Variants in CEP85L observed in about 807,000 individuals in gnomAD.
The protein encoded by CEP85L is centrosomal protein of 85 kDa-like.
Under a neutral mutation model 100.3 loss-of-function variants are expected in CEP85L, and 60 were observed. The observed-to-expected ratio is 0.60, with a 90% confidence interval of 0.49 to 0.74. The LOEUF is 0.74. Ranked by LOEUF, CEP85L falls within the 30% of genes least tolerant of loss-of-function variation. CEP85L has a pLI of 0.00. For synonymous variants in CEP85L, 319 were observed against 322.7 expected (o/e 0.99, Z 0.12); for missense variants, 973 against 936.2 (o/e 1.04, Z -0.51).
intron 4 of CEP85L, 49 bp from the exon 5 acceptor site, chr6:118,511,464 G>C (rs768770158): frequency 9.8e-6 from 12 of 1,221,906 alleles, no homozygotes; most frequent in Non-Finnish European, 1.4e-5. Context: ...TTTTCTAATA[G>C]TTAGAAGAAC....
At chr6:118,535,684 C>A (rs949491792) in intron 3 of CEP85L, among the ~76,000 whole-genome samples, 2 of 152,244 alleles carry the variant, frequency 1.3e-5, no homozygotes, top group South Asian at 2.1e-4. Context: ...CACCCACTGG[C>A]GTGTAGTGCC....
At chr6:118,600,191 C>G (rs747982084) in intron 2 of CEP85L, among the ~76,000 whole-genome samples, 3 of 151,516 alleles carry the variant, frequency 2.0e-5, no homozygotes, top group African/African-American at 7.3e-5. Flanking sequence ...TTAAACCCTC[C>G]GTTCTTGACT....
intron 3 of CEP85L, among the ~76,000 whole-genome samples, chr6:118,541,537 G>A (rs577361890): frequency 6.6e-6 from 1 of 152,238 alleles, no homozygotes; most frequent in South Asian, 2.1e-4. Context: ...TGTATCTGCT[G>A]AAAAATCAAG....
chr6:118,666,504 T>C (rs1016682020), intron 1 of CEP85L, among the ~76,000 whole-genome samples: 2 of 152,164 alleles, frequency 1.3e-5, no homozygotes, highest in African/African-American at 4.8e-5. Context: ...GTTTACAACA[T>C]GTCTGGCTCT....
chr6:118,502,601 T>C, intron 5 of CEP85L: 1 of 481,180 alleles, frequency 2.1e-6, no homozygotes, highest in Non-Finnish European at 3.9e-6. Flanking sequence ...TTTTTGACTC[T>C]TGAAGAAGCT....
intron 1 of CEP85L, 119 bp downstream of exon 1, chr6:118,651,077 CG>C: frequency 7.4e-7 from 1 of 1,345,102 alleles, no homozygotes; most frequent in Non-Finnish European, 9.5e-7. Flanking sequence ...CACGCGGCGG[CG>C]TCGGGGAGGC....
rs897036781 is a variant in CEP85L at position 118,651,287 on chromosome 6, G to A, written c.-18C>T. The stretch of plus-strand genomic sequence containing the variant: ...CCCCACATCGCGGGCGAGAGGGCCG[G>A]GTGGGCCAGGGACGCCCGACTCCTC... On this transcript the variant is annotated 5_prime_UTR_variant, in exon 1 of 13. Transcript: ENST00000368491. The A allele has an allele frequency of 2.2e-5, 32 of 1,478,658 alleles. 1 individual carries two copies. The Middle Eastern group carries it at 7.6e-4, about 35-fold the overall frequency. 91.6% of individuals were successfully genotyped at this position (1,478,658 alleles called of 1,614,324 possible).
chr6:118,706,031 C>T (rs1777583563), intron 1 of CEP85L, among the ~76,000 whole-genome samples: 1 of 152,172 alleles, frequency 6.6e-6, no homozygotes, highest in Non-Finnish European at 1.5e-5. Flanking sequence ...TTGGGAGCTG[C>T]TTCTTAAGAA....
At chr6:118,514,217 T>C (rs918594752) in intron 4 of CEP85L, among the ~76,000 whole-genome samples, 3 of 151,980 alleles carry the variant, frequency 2.0e-5, no homozygotes, top group Admixed American at 2.0e-4. Context: ...AAAGATCAGA[T>C]GGGACAATAA....
chr6:118,637,446 C>T (rs1392631944), intron 1 of CEP85L, among the ~76,000 whole-genome samples: 1 of 151,800 alleles, frequency 6.6e-6, no homozygotes, highest in Non-Finnish European at 1.5e-5. Flanking sequence ...ACCTGTAATC[C>T]CAGCACTTTG....
intron 1 of CEP85L, among the ~76,000 whole-genome samples, chr6:118,647,669 G>A (rs1055292776): frequency 3.9e-5 from 6 of 152,146 alleles, no homozygotes; most frequent in East Asian, 1.9e-4. Flanking sequence ...GCTTATGTTA[G>A]TATTTTAAAA....
chr6:118,570,553 C>T (rs1779829111), intron 2 of CEP85L, among the ~76,000 whole-genome samples: 1 of 152,074 alleles, frequency 6.6e-6, no homozygotes. Flanking sequence ...ATATGCTGTC[C>T]ATAGACTATG....
chr6:118,561,554 A>T (rs1206825319), intron 3 of CEP85L, among the ~76,000 whole-genome samples: 1 of 152,116 alleles, frequency 6.6e-6, no homozygotes, highest in East Asian at 1.9e-4. Context: ...TAAATGCTCA[A>T]ATATGTTCTA....
At chr6:118,679,407 G>C (rs1286745919) in intron 1 of CEP85L, among the ~76,000 whole-genome samples, 1 of 152,230 alleles carries the variant, frequency 6.6e-6, no homozygotes, top group Non-Finnish European at 1.5e-5. Flanking sequence ...AAGGAAAGGA[G>C]TTATATGGGA....
At chr6:118,492,684 G>A (rs1230260453) in intron 5 of CEP85L, among the ~76,000 whole-genome samples, 1 of 152,126 alleles carries the variant, frequency 6.6e-6, no homozygotes, top group African/African-American at 2.4e-5. Context: ...TTATTTAAAA[G>A]ATATTTACAA....
At chr6:118,646,378 T>C (rs1429411585) in intron 1 of CEP85L, among the ~76,000 whole-genome samples, 1 of 151,928 alleles carries the variant, frequency 6.6e-6, no homozygotes, top group East Asian at 1.9e-4. Context: ...ATGTTATTGC[T>C]TAAAAATTGG....
rs112109156 is a variant in CEP85L, at chr6:118,519,476, CGG to C, written c.1139+4324_1139+4325del. Among the ~76,000 whole-genome samples, 8 of 11,914 alleles carry C rather than the reference CGG, an allele frequency of 6.7e-4. 2 individuals are homozygous for C. The South Asian group carries it at 0.026, about 38-fold the overall frequency. The allele number at this position is 11,914 out of a possible 152,430, so 7.8% of individuals were successfully genotyped here. Reference sequence around the variant, plus strand: ...TGTGTGTGTGTGTGTGTGTGTGTGGCGGGGGGGGGTTGTGAAACTCCGTGTGC... The same window carrying C: ...TGTGTGTGTGTGTGTGTGTGTGTGGCGGGGGGGTTGTGAAACTCCGTGTGC... On this transcript the variant is annotated intron_variant, in intron 4 of 12. Transcript: ENST00000368491.
At chr6:118,664,059 C>T (rs1163260966) in intron 1 of CEP85L, among the ~76,000 whole-genome samples, 1 of 151,850 alleles carries the variant, frequency 6.6e-6, no homozygotes, top group Non-Finnish European at 1.5e-5. Context: ...CTATGCCTGC[C>T]TAATTTTTGC....
intron 2 of CEP85L, among the ~76,000 whole-genome samples, chr6:118,623,383 G>T (rs1773577165): frequency 1.3e-5 from 2 of 152,150 alleles, no homozygotes; most frequent in Admixed American, 6.5e-5. Flanking sequence ...AACAGAGAAG[G>T]CCCAAGAAGT....
Sources: allele counts gnomAD v4.1 joint callset (sites outside exome capture counted in the v4.1 genomes callset), GRCh38; gene constraint gnomAD v4.1.1; transcripts MANE v1.5; gene names NCBI Gene and HGNC (gene_info 2026-07-23, HGNC 2026-07-21).